The following KHDRBS3 variants were observed in gnomAD, a reference collection of about 807,000 sequenced individuals.
KHDRBS3 encodes the protein KH RNA binding domain containing, signal transduction associated 3.
A neutral mutation model predicts 45.6 loss-of-function variants in KHDRBS3; 23 were observed. The observed-to-expected ratio is 0.50, with a 90% CI of 0.36 to 0.72. KHDRBS3 has a LOEUF of 0.72. Among genes scored for constraint, KHDRBS3 ranks in the 30% least tolerant of loss-of-function variants. KHDRBS3 has a pLI of 0.00. For missense variants in KHDRBS3, 352 were observed against 424.8 expected, an observed-to-expected ratio of 0.83 and a Z score of 1.51; for synonymous variants, 162 against 156.5, an observed-to-expected ratio of 1.04 and a Z score of -0.26.
At chr8:135,483,152 C>A (rs541796378) in intron 1 of KHDRBS3, among the ~76,000 whole-genome samples, 6 of 152,266 alleles carry the variant, frequency 3.9e-5, no homozygotes, top group Admixed American at 2.6e-4. Context: ...GAAGGGTTTT[C>A]TCTATCGAAT....
At chr8:135,614,311 G>A (rs542363126) in intron 7 of KHDRBS3, among the ~76,000 whole-genome samples, 7 of 151,762 alleles carry the variant, frequency 4.6e-5, no homozygotes, top group South Asian at 2.1e-4. Context: ...TCAGCCCTCA[G>A]AGCCCTTCCT....
intron 4 of KHDRBS3, 113 bp downstream of exon 4, chr8:135,549,013 G>A: frequency 3.2e-6 from 2 of 629,744 alleles, no homozygotes; most frequent in Non-Finnish European, 4.9e-6. Flanking sequence ...CTGTAAAGCT[G>A]TATGGACATC....
At chr8:135,496,429 C>T (rs950059250) in intron 1 of KHDRBS3, among the ~76,000 whole-genome samples, 33 of 151,970 alleles carry the variant, frequency 2.2e-4, no homozygotes, top group East Asian at 5.8e-4. Context: ...GATGGGTTTT[C>T]GCCATGTTGG....
chr8:135,497,123 ATCG>A (rs770862232), intron 1 of KHDRBS3, among the ~76,000 whole-genome samples: 89 of 152,300 alleles, frequency 5.8e-4, no homozygotes, highest in Non-Finnish European at 9.7e-4. Context: ...AGTTGGGACC[ATCG>A]TCGTCATTTG....
At chr8:135,611,168 G>A (rs535046710) in intron 7 of KHDRBS3, among the ~76,000 whole-genome samples, 2 of 151,876 alleles carry the variant, frequency 1.3e-5, no homozygotes, top group Non-Finnish European at 2.9e-5. Context: ...AAGGAGTACA[G>A]AGAACTGTAT....
intron 5 of KHDRBS3, among the ~76,000 whole-genome samples, chr8:135,561,547 T>TC (rs976878000): frequency 2.0e-5 from 3 of 151,836 alleles, no homozygotes; most frequent in South Asian, 2.1e-4. Flanking sequence ...AAGTTTTTTT[T>TC]TTTTTCCCAT....
rs574412145 is a variant in KHDRBS3 at position 135,499,159 on chromosome 8, C to T, written c.89-22078C>T. On this transcript the variant is annotated intron_variant, in intron 1 of 8. Coordinates refer to ENST00000355849, the MANE Select transcript of KHDRBS3 (RefSeq NM_006558.3). Reference sequence around the variant, plus strand: ...TGTGGTTGGGAAGGGTAGGTATTTTCAGTGTCTTTTTTTGGTGTCATTGTG... The same window carrying T: ...TGTGGTTGGGAAGGGTAGGTATTTTTAGTGTCTTTTTTTGGTGTCATTGTG... 1.1e-4 allele frequency among the ~76,000 whole-genome samples: 17 copies of T among 152,188 alleles called. No individual in the cohort carries two copies. In the East Asian group the frequency reaches 2.3e-3, roughly 21 times the overall value.
At position 135,611,669 on chromosome 8, in the gene KHDRBS3, G is replaced by C. The variant is rs150031116; in HGVS notation, c.890+4632G>C. Among the ~76,000 whole-genome samples the C allele has an allele frequency of 3.6e-4, 55 of 151,914 alleles. 2 individuals are homozygous for C. The East Asian group carries it at 8.3e-3, about 23-fold the overall frequency. On this transcript the variant is annotated intron_variant, in intron 7 of 8. Coordinates refer to ENST00000355849, the MANE Select transcript of KHDRBS3 (RefSeq NM_006558.3). ...ATTTTCTTTTCTTTGAAGGACACCA[G>C]TCAGATTGGATTAGAACCCACTCTA...
At chr8:135,536,816 C>T (rs559258816) in intron 2 of KHDRBS3, among the ~76,000 whole-genome samples, 6 of 149,924 alleles carry the variant, frequency 4.0e-5, no homozygotes, top group South Asian at 2.2e-4. Flanking sequence ...AAAAATTAGC[C>T]GGGCGCGGTG....
At chr8:135,544,547 G>A (rs534306790) in intron 3 of KHDRBS3, among the ~76,000 whole-genome samples, 2 of 152,214 alleles carry the variant, frequency 1.3e-5, no homozygotes, top group East Asian at 3.9e-4. Flanking sequence ...TCGGTGTTAT[G>A]AAGTAATGCA....
intron 2 of KHDRBS3, chr8:135,541,262 G>A (rs1015719213): frequency 6.6e-6 from 1 of 152,126 alleles, no homozygotes; most frequent in African/African-American, 2.4e-5. Context: ...GATAATAAAA[G>A]TAAATGGGGA....
chr8:135,623,238 C>G (rs530069989), intron 7 of KHDRBS3, among the ~76,000 whole-genome samples: 148 of 152,294 alleles, frequency 9.7e-4, no homozygotes, highest in Non-Finnish European at 1.8e-3. Flanking sequence ...TCTTGTGTGT[C>G]TTCATAAGAA....
intron 4 of KHDRBS3, among the ~76,000 whole-genome samples, chr8:135,555,833 G>A (rs1430990175): frequency 2.0e-5 from 3 of 152,124 alleles, no homozygotes; most frequent in African/African-American, 7.2e-5. Context: ...GTGGTTTGCT[G>A]CACCCGTCAA....
intron 6 of KHDRBS3, among the ~76,000 whole-genome samples, chr8:135,593,625 G>A (rs1354688073): frequency 6.6e-6 from 1 of 152,042 alleles, no homozygotes; most frequent in African/African-American, 2.4e-5. Flanking sequence ...CCACATGTGT[G>A]TGCCACTTTG....
intron 2 of KHDRBS3, chr8:135,541,720 G>C (rs1258043919): frequency 6.6e-6 from 1 of 152,096 alleles, no homozygotes; most frequent in East Asian, 1.9e-4. Flanking sequence ...TTTTCTATTT[G>C]GTAGCAAGAA....
intron 1 of KHDRBS3, among the ~76,000 whole-genome samples, chr8:135,476,525 A>G (rs1264866948): frequency 6.6e-6 from 1 of 152,134 alleles, no homozygotes; most frequent in Non-Finnish European, 1.5e-5. Context: ...TCTCATCTTA[A>G]CACACTGCAG....
rs1046558607 is a variant in KHDRBS3, at chr8:135,505,835, G to A, written c.89-15402G>A. 4.2e-4 allele frequency among the ~76,000 whole-genome samples: 63 copies of A among 150,978 alleles called. 2 individuals are homozygous for A. The highest frequency in any genetic ancestry group is 4.4e-5 in the Non-Finnish European group (3 of 67,850). ...GGTGAGCGTGCTTCTGGGAATGTAG[G>A]GTAAAAAAATCACTGTAACTGCTAG... On this transcript the variant is annotated intron_variant, in intron 1 of 8. Coordinates refer to ENST00000355849, the MANE Select transcript of KHDRBS3 (RefSeq NM_006558.3).
chr8:135,609,532 C>T (rs371130159), intron 7 of KHDRBS3, among the ~76,000 whole-genome samples: 2 of 152,046 alleles, frequency 1.3e-5, no homozygotes, highest in African/African-American at 4.8e-5. Context: ...TGGGCTCAAG[C>T]AGTGTGCCCA....
intron 1 of KHDRBS3, among the ~76,000 whole-genome samples, chr8:135,461,759 T>G (rs563333171): frequency 6.6e-6 from 1 of 152,348 alleles, no homozygotes; most frequent in South Asian, 2.1e-4. Context: ...ATATAATGTA[T>G]GGATTGGTGG....
Sources: allele counts gnomAD v4.1 joint callset (sites outside exome capture counted in the v4.1 genomes callset), GRCh38; gene constraint gnomAD v4.1.1; transcripts MANE v1.5; gene names NCBI Gene and HGNC (gene_info 2026-07-23, HGNC 2026-07-21).